Variants in ENTPD1 observed in about 807,000 individuals in gnomAD.
ENTPD1 encodes ATP diphosphohydrolase.
A neutral mutation model predicts 57.0 loss-of-function variants in ENTPD1; 33 were observed. That is an observed-to-expected ratio of 0.58 (90% CI 0.44 to 0.77). The LOEUF is 0.77. ENTPD1 is among the 30% of genes least tolerant of loss of function. The pLI is 0.00. For missense variants in ENTPD1, 501 were observed against 603.4 expected, an observed-to-expected ratio of 0.83 and a Z score of 1.78; for synonymous variants, 202 against 218.8, an observed-to-expected ratio of 0.92 and a Z score of 0.68.
At chr10:95,853,745 C>T (rs747017698) in intron 7 of ENTPD1, among the ~76,000 whole-genome samples, 35 of 152,206 alleles carry the variant, frequency 2.3e-4, no homozygotes, top group Non-Finnish European at 4.1e-4. Context: ...TATTGATTTT[C>T]GTATGTTGAT....
upstream of ENTPD1, among the ~76,000 whole-genome samples, chr10:95,708,740 C>A (rs1417194566): frequency 6.6e-6 from 1 of 152,140 alleles, no homozygotes; most frequent in East Asian, 1.9e-4. Flanking sequence ...AACCAAGTTA[C>A]AGAACAGTAC....
intron 7 of ENTPD1, among the ~76,000 whole-genome samples, chr10:95,847,919 G>T (rs1430520386): frequency 6.6e-6 from 1 of 152,150 alleles, no homozygotes; most frequent in Non-Finnish European, 1.5e-5. Context: ...GTATGTTACT[G>T]CTCCAAGCAC....
chr10:95,725,320 T>C (rs2097982428), intron 1 of ENTPD1, among the ~76,000 whole-genome samples: 1 of 152,206 alleles, frequency 6.6e-6, no homozygotes, highest in Non-Finnish European at 1.5e-5. Flanking sequence ...ATCCTATATA[T>C]CTGGCCCCAT....
chr10:95,821,830 A>T (rs1371957094), intron 1 of ENTPD1, among the ~76,000 whole-genome samples: 7 of 152,216 alleles, frequency 4.6e-5, no homozygotes, highest in South Asian at 4.1e-4. Flanking sequence ...AGCTTCAGAG[A>T]GAGCTCCCAT....
intron 1 of ENTPD1, among the ~76,000 whole-genome samples, chr10:95,783,185 G>C (rs1189380649): frequency 6.6e-6 from 1 of 152,116 alleles, no homozygotes; most frequent in Non-Finnish European, 1.5e-5. Flanking sequence ...CATTGTCGCT[G>C]TTCTATTTGC....
chr10:95,772,581 T>C (rs939243818), intron 1 of ENTPD1, among the ~76,000 whole-genome samples: 2 of 152,224 alleles, frequency 1.3e-5, no homozygotes, highest in African/African-American at 4.8e-5. Context: ...GCTCCACTAC[T>C]AATTCTAGTT....
At position 95,736,023 on chromosome 10, in the gene ENTPD1, CAG is replaced by C. The variant is rs971101581; in HGVS notation, c.37+24033_37+24034del. On this transcript the variant is annotated intron_variant, in intron 1 of 9. Transcript: ENST00000453258. ...AAAGTTTTTTTTTTTTTTTTTGAGA[CAG>C]AGTCTCACTCTGTTGCCCAGATGGG... is the stretch of plus-strand genomic sequence containing the variant. Among the ~76,000 whole-genome samples the C allele has an allele frequency of 2.0e-4, 24 of 120,902 alleles. No individual in the cohort carries two copies. The Middle Eastern group carries it at 0.021, about 104-fold the overall frequency. 79.3% of individuals were successfully genotyped at this position (120,902 alleles called of 152,430 possible). A position where few individuals can be genotyped will look rare whatever the true frequency, so the allele number is the denominator to read the frequency against.
chr10:95,700,986 G>GT, the ENTPD1 span, among the ~76,000 whole-genome samples: 5 of 151,980 alleles, frequency 3.3e-5, no homozygotes, highest in Non-Finnish European at 7.4e-5. Context: ...TAGAGATGAG[G>GT]TTTTGCCATG....
chr10:95,859,847 A>T lies in ENTPD1; in HGVS notation c.1075-622A>T, dbSNP rs570459280. ...AGAATTTAGAGGTCATTTTAATAGA[A>T]TTTTTTTTTGTTTTACTGATTTGAA... is the stretch of plus-strand genomic sequence containing the variant. On this transcript the variant is annotated intron_variant, in intron 7 of 9. Coordinates refer to ENST00000371205, the MANE Select transcript of ENTPD1 (RefSeq NM_001776.6). Among the ~76,000 whole-genome samples the T allele has an allele frequency of 7.1e-4, 108 of 151,842 alleles. 1 individual carries two copies. In the South Asian group the frequency reaches 0.022, roughly 30 times the overall value.
upstream of ENTPD1, chr10:95,755,431 G>A: frequency 2.3e-6 from 1 of 427,940 alleles, no homozygotes; most frequent in Non-Finnish European, 4.2e-6. Context: ...AAAATAATTT[G>A]GTCAGGCTCT....
Position 95,821,996 on chromosome 10 carries a change from CTTTT to C in ENTPD1, c.17-1222_17-1219del, listed in dbSNP as rs71034351. 1.3e-4 allele frequency among the ~76,000 whole-genome samples: 12 copies of C among 92,918 alleles called. No homozygotes were observed. In the East Asian group the frequency reaches 2.9e-3, roughly 22 times the overall value. The allele number at this position is 92,918 out of a possible 152,430, so 61.0% of individuals were successfully genotyped here. ...TACATCTGACCAAAGTAGCTTTTGC[CTTTT>C]TTTTTTTTTTTTTTTTTTGAGAGGG... is the stretch of plus-strand genomic sequence containing the variant. On this transcript the variant is annotated intron_variant, in intron 1 of 9. Coordinates refer to ENST00000371205, the MANE Select transcript of ENTPD1 (RefSeq NM_001776.6).
In ENTPD1 at chr10:95,860,553, A is replaced by G. The variant is rs758179733; in HGVS notation, c.1159A>G (p.Lys387Glu). 4 of 1,613,710 alleles carry G rather than the reference A, an allele frequency of 2.5e-6. No individual in the cohort carries two copies. The South Asian group carries it at 4.4e-5, about 18-fold the overall frequency. Residue 387 changes from lysine to glutamate, a missense_variant, in exon 8 of 10, where the codon AAA becomes GAA. Transcript: ENST00000371205. ...TCAGGAAAAGGTGACTGAGATGATG[A>G]AAAAGTTCTGTGCTCAGCCTTGGGA... ...VSQEKVTEMM[K>E]KFCAQPWEEI...
the ENTPD1 span, among the ~76,000 whole-genome samples, chr10:95,701,904 GA>G: frequency 6.6e-6 from 1 of 151,874 alleles, no homozygotes; most frequent in Non-Finnish European, 1.5e-5. Context: ...AGAATACATA[GA>G]ACAAAGCCAA....
chr10:95,867,018 A>C lies in ENTPD1; in HGVS notation c.*635A>C. ...AAGCAGGTATGTCAATAAATCACAT[A>C]TTCCTAGGTGATACCCAAATGCTAC... is the stretch of plus-strand genomic sequence containing the variant. On this transcript the variant is annotated 3_prime_UTR_variant, in exon 10 of 10. Transcript: ENST00000371205. The C allele has an allele frequency of 2.0e-6, 2 of 992,988 alleles. No homozygotes were observed. The highest frequency in any genetic ancestry group is 2.4e-6 in the Non-Finnish European group (2 of 834,060). 61.5% of individuals were successfully genotyped at this position (992,988 alleles called of 1,614,324 possible). A position where few individuals can be genotyped will look rare whatever the true frequency, so the allele number is the denominator to read the frequency against.
the ENTPD1 span, among the ~76,000 whole-genome samples, chr10:95,704,178 TC>T: frequency 3.7e-3 from 558 of 152,262 alleles, 8 homozygotes; most frequent in South Asian, 0.01. Flanking sequence ...TGCACCAAAT[TC>T]ATGGCTAGAA....
chr10:95,858,825 AAT>A (rs1483872242), intron 7 of ENTPD1, among the ~76,000 whole-genome samples: 3 of 152,224 alleles, frequency 2.0e-5, no homozygotes, highest in Admixed American at 6.5e-5. Context: ...AGAGTTGTTG[AAT>A]AAATTAAGAT....
At chr10:95,790,922 G>A (rs1012720642) in intron 1 of ENTPD1, among the ~76,000 whole-genome samples, 19 of 152,116 alleles carry the variant, frequency 1.2e-4, no homozygotes, top group African/African-American at 1.9e-4. Flanking sequence ...TATGTGGCAC[G>A]ATTTATCAAT....
At position 95,860,589 on chromosome 10, in the gene ENTPD1, G is replaced by A. The variant is rs369981777; in HGVS notation, c.1188+7G>A. 5.0e-6 allele frequency: 8 copies of A among 1,611,202 alleles called. No homozygotes were observed. In the African/African-American group the frequency reaches 1.1e-4, roughly 22 times the overall value. ...TGCTCAGCCTTGGGAGGAGGTAAGT[G>A]ACTAGGCACAGCAGCTCTAACAGCA... On this transcript the variant is annotated splice_region_variant and intron_variant, in intron 8 of 9. Transcript: ENST00000371205.
chr10:95,822,399 C>T (rs1387694336), intron 1 of ENTPD1, among the ~76,000 whole-genome samples: 5 of 147,974 alleles, frequency 3.4e-5, no homozygotes, highest in Non-Finnish European at 7.5e-5. Flanking sequence ...GGGGTTCAAG[C>T]GATTCTCCTG....
Sources: allele counts gnomAD v4.1 joint callset (sites outside exome capture counted in the v4.1 genomes callset), GRCh38; gene constraint gnomAD v4.1.1; transcripts MANE v1.5; gene names NCBI Gene and HGNC (gene_info 2026-07-23, HGNC 2026-07-21).